The following RALGAPA1 variants were observed in gnomAD, a reference collection of about 807,000 sequenced individuals.
The protein encoded by RALGAPA1 is ral GTPase-activating protein subunit alpha-1.
In RALGAPA1, 52 loss-of-function variants were observed where a neutral mutation model predicts 269.6. That is an observed-to-expected ratio of 0.19 (90% CI 0.15 to 0.24). The LOEUF (loss-of-function observed/expected upper bound fraction) is 0.24. Ranked by LOEUF, RALGAPA1 falls within the 10% of genes least tolerant of loss-of-function variation. The pLI, the probability that RALGAPA1 is intolerant of heterozygous loss-of-function variation, is 1.00. For missense variants in RALGAPA1, 1,917 were observed against 3,013.9 expected (o/e 0.64, Z 8.52); for synonymous variants, 817 against 1,008.3 (o/e 0.81, Z 3.60).
At chr14:35,555,870 G>A (rs919294828) in intron 39 of RALGAPA1, among the ~76,000 whole-genome samples, 12 of 152,084 alleles carry the variant, frequency 7.9e-5, no homozygotes, top group Non-Finnish European at 1.6e-4. Context: ...CGGTGAAAAA[G>A]CAAAGGTATA....
chr14:35,671,315 T>C, intron 26 of RALGAPA1, 74 bp downstream of exon 26: 1 of 1,349,544 alleles, frequency 7.4e-7, no homozygotes, highest in East Asian at 2.4e-5. Flanking sequence ...TATCAGCTTG[T>C]TATGTTTTAT....
intron 37 of RALGAPA1, among the ~76,000 whole-genome samples, chr14:35,584,615 T>C (rs577368546): frequency 2.0e-5 from 3 of 152,226 alleles, no homozygotes; most frequent in South Asian, 2.1e-4. Context: ...ACTACAAATG[T>C]ATAGTGTAAA....
intron 39 of RALGAPA1, among the ~76,000 whole-genome samples, chr14:35,556,673 C>T (rs1423037831): frequency 6.6e-6 from 1 of 152,190 alleles, no homozygotes; most frequent in Non-Finnish European, 1.5e-5. Flanking sequence ...CAAAGCTGGG[C>T]TTTAATCCAT....
At chr14:35,777,355 T>C (rs1445010298) in intron 1 of RALGAPA1, among the ~76,000 whole-genome samples, 1 of 152,180 alleles carries the variant, frequency 6.6e-6, no homozygotes, top group Non-Finnish European at 1.5e-5. Context: ...CATATGTATA[T>C]GTATTTATGC....
intron 26 of RALGAPA1, among the ~76,000 whole-genome samples, chr14:35,665,604 C>A (rs564089607): frequency 6.6e-6 from 1 of 152,048 alleles, no homozygotes; most frequent in Non-Finnish European, 1.5e-5. Flanking sequence ...GTGTAATACT[C>A]TATTATATGA....
intron 26 of RALGAPA1, among the ~76,000 whole-genome samples, chr14:35,665,789 G>A (rs1369358549): frequency 6.6e-6 from 1 of 152,146 alleles, no homozygotes; most frequent in African/African-American, 2.4e-5. Flanking sequence ...GAGATTAGCT[G>A]AGAGTTTTTC....
At chr14:35,776,394 A>C (rs572415493) in intron 1 of RALGAPA1, among the ~76,000 whole-genome samples, 5 of 152,204 alleles carry the variant, frequency 3.3e-5, no homozygotes. Flanking sequence ...GGAAAAAAAA[A>C]AAAAAGAAGA....
At chr14:35,716,398 A>AG in intron 16 of RALGAPA1, among the ~76,000 whole-genome samples, 1 of 99,582 alleles carries the variant, frequency 1.0e-5, no homozygotes, top group African/African-American at 6.6e-5. Context: ...ACTCCGTCTC[A>AG]AAAAAAAAAA....
chr14:35,634,794 AAAAT>A, intron 32 of RALGAPA1, 37 bp from the exon 33 acceptor site: 3 of 1,493,690 alleles, frequency 2.0e-6, no homozygotes, highest in Non-Finnish European at 2.7e-6. Flanking sequence ...TTTTACTTAA[AAAAT>A]AAATAAATAA....
intron 1 of RALGAPA1, among the ~76,000 whole-genome samples, chr14:35,782,754 A>G (rs887692709): frequency 2.6e-5 from 4 of 152,136 alleles, no homozygotes; most frequent in Non-Finnish European, 4.4e-5. Context: ...ATCCTAACAT[A>G]GTTTTTTGCA....
intron 39 of RALGAPA1, among the ~76,000 whole-genome samples, chr14:35,551,069 G>GT (rs2054956568): frequency 6.6e-6 from 1 of 152,170 alleles, no homozygotes; most frequent in African/African-American, 2.4e-5. Context: ...ATTTTCTGCA[G>GT]TTAATAGAGT....
chr14:35,587,046 C>T lies in RALGAPA1; in HGVS notation c.7209+8588G>A, dbSNP rs141892783. Among the ~76,000 whole-genome samples, 1,405 of 152,242 alleles carry T rather than the reference C, an allele frequency of 9.2e-3. 27 individuals are homozygous for T. The highest frequency in any genetic ancestry group is 0.032 in the African/African-American group (1,341 of 41,528). On this transcript the variant is annotated intron_variant, in intron 37 of 41. Transcript: ENST00000680220. Reference sequence around the variant, plus strand: ...AGTTTCAGAAGGAATGGTACCAGCTCCTCTTTGTACCTCTGGTAGAATTCG... The same window carrying T: ...AGTTTCAGAAGGAATGGTACCAGCTTCTCTTTGTACCTCTGGTAGAATTCG...
intron 1 of RALGAPA1, among the ~76,000 whole-genome samples, chr14:35,786,854 A>C (rs1353054591): frequency 6.6e-6 from 1 of 152,164 alleles, no homozygotes; most frequent in Admixed American, 6.5e-5. Flanking sequence ...TTTCAAAAAA[A>C]ATCATATCAG....
At chr14:35,640,497 G>A (rs2139822421) in intron 31 of RALGAPA1, among the ~76,000 whole-genome samples, 1 of 152,090 alleles carries the variant, frequency 6.6e-6, no homozygotes, top group East Asian at 1.9e-4. Flanking sequence ...TAGAAGAAAC[G>A]GATAAACTCC....
chr14:35,800,188 C>CAGAAATTCAGTA (rs1249147243), intron 1 of RALGAPA1, among the ~76,000 whole-genome samples: 2 of 152,192 alleles, frequency 1.3e-5, no homozygotes, highest in African/African-American at 4.8e-5. Flanking sequence ...AACAGCTAGA[C>CAGAAATTCAGTA]AGAAATTCAG....
chr14:35,541,447 T>C (rs2053991294), intron 41 of RALGAPA1, among the ~76,000 whole-genome samples: 1 of 152,214 alleles, frequency 6.6e-6, no homozygotes, highest in South Asian at 2.1e-4. Context: ...CAATTGCCCT[T>C]CTTCTCAAAG....
chr14:35,625,270 T>C lies in RALGAPA1; in HGVS notation c.6929+91A>G, dbSNP rs564315329. The C allele has an allele frequency of 7.5e-5, 66 of 877,312 alleles. No individual in the cohort carries two copies. The Admixed American group carries it at 1.2e-3, about 16-fold the overall frequency. The allele number at this position is 877,312 out of a possible 1,614,324, so 54.3% of individuals were successfully genotyped here. ...AAGTTATAAATCAATAACACAGTATTATATACTATTTAAAATATTATTCAC... is the reference window on the plus strand; with the variant it reads ...AAGTTATAAATCAATAACACAGTATCATATACTATTTAAAATATTATTCAC... On this transcript the variant is annotated intron_variant, in intron 35 of 41. Coordinates refer to ENST00000680220, the MANE Select transcript of RALGAPA1 (RefSeq NM_001346249.2).
chr14:35,765,291 G>A (rs544175251), intron 4 of RALGAPA1, among the ~76,000 whole-genome samples: 5 of 151,876 alleles, frequency 3.3e-5, no homozygotes, highest in Admixed American at 1.3e-4. Context: ...CTCTTGGTCC[G>A]ATTTGTTATT....
chr14:35,651,353 G>C (rs949888513), intron 31 of RALGAPA1, among the ~76,000 whole-genome samples: 1 of 152,156 alleles, frequency 6.6e-6, no homozygotes, highest in Non-Finnish European at 1.5e-5. Context: ...CCCTCATAAT[G>C]AATTTACTGA....
Sources: gnomAD v4.1 joint callset for allele counts (sites outside exome capture counted in the v4.1 genomes callset) on GRCh38, gnomAD v4.1.1 for gene constraint, MANE v1.5 for transcripts, NCBI Gene and HGNC (gene_info 2026-07-23, HGNC 2026-07-21) for gene names.